Variants in FOXP2 observed in about 807,000 individuals in gnomAD.
FOXP2 encodes the protein forkhead box protein P2.
In FOXP2, 12 loss-of-function variants were observed where a neutral mutation model predicts 115.8. The observed-to-expected ratio is 0.10, with a 90% CI of 0.07 to 0.17. The LOEUF (loss-of-function observed/expected upper bound fraction) is 0.17, where lower values mean the gene tolerates loss of function less well. Among genes scored for constraint, FOXP2 ranks in the 10% least tolerant of loss-of-function variants. The pLI is 1.00. For missense variants in FOXP2, 629 were observed against 843.5 expected, an observed-to-expected ratio of 0.75 and a Z score of 3.15; for synonymous variants, 328 against 297.7, an observed-to-expected ratio of 1.10 and a Z score of -1.05.
At chr7:114,157,259 A>G (rs1482564585) in intron 1 of FOXP2, among the ~76,000 whole-genome samples, 1 of 152,140 alleles carries the variant, frequency 6.6e-6, no homozygotes, top group Non-Finnish European at 1.5e-5. Context: ...ATGTGGACAA[A>G]TGTATTACAT....
chr7:114,461,581 T>G (rs1211681048), intron 2 of FOXP2, among the ~76,000 whole-genome samples: 1 of 152,150 alleles, frequency 6.6e-6, no homozygotes, highest in Non-Finnish European at 1.5e-5. Context: ...TTGTATTATT[T>G]CTCATGAGTT....
At chr7:114,372,820 T>C (rs2129189827) in intron 2 of FOXP2, among the ~76,000 whole-genome samples, 1 of 152,294 alleles carries the variant, frequency 6.6e-6, no homozygotes, top group Non-Finnish European at 1.5e-5. Context: ...GTAAAGGAAC[T>C]GACTGGAAAT....
At chr7:114,165,304 C>G (rs1224454041) in intron 1 of FOXP2, among the ~76,000 whole-genome samples, 2 of 152,168 alleles carry the variant, frequency 1.3e-5, no homozygotes, top group East Asian at 3.9e-4. Context: ...AAAAAGGAAA[C>G]AAAAGACATT....
At chr7:114,489,689 A>G (rs1476268719) in intron 2 of FOXP2, among the ~76,000 whole-genome samples, 1 of 152,042 alleles carries the variant, frequency 6.6e-6, no homozygotes, top group Non-Finnish European at 1.5e-5. Context: ...ATAAACCTTC[A>G]TTTCCAACTG....
At position 114,176,298 on chromosome 7, in the gene FOXP2, T is replaced by TTCTTTCTTTCTTTCTCTCTC. The variant is rs368923204; in HGVS notation, c.-102+13213_-102+13214insTTCTTTCTTTCTCTCTCTCT. Among the ~76,000 whole-genome samples, 319 of 76,528 alleles carry TTCTTTCTTTCTTTCTCTCTC rather than the reference T, an allele frequency of 4.2e-3. 5 individuals are homozygous for TTCTTTCTTTCTTTCTCTCTC. Among genetic ancestry groups the TTCTTTCTTTCTTTCTCTCTC allele is most frequent in the African/African-American group, 0.016 (287 of 18,470 alleles). The allele number at this position is 76,528 out of a possible 152,430, so 50.2% of individuals were successfully genotyped here. ...TTTCTTTCTTTCTTTCTTTCTTTCT[T>TTCTTTCTTTCTTTCTCTCTC]TCTCTCTCTCTCTCTCTCTCTCTTT... On this transcript the variant is annotated intron_variant, in intron 1 of 17. Coordinates refer to the FOXP2 transcript ENST00000634411.
At chr7:114,520,452 TCAGA>T (rs1443257925) in intron 2 of FOXP2, among the ~76,000 whole-genome samples, 1 of 152,142 alleles carries the variant, frequency 6.6e-6, no homozygotes, top group Non-Finnish European at 1.5e-5. Context: ...TTTTGCAAAC[TCAGA>T]CAGAGTAGGG....
In FOXP2 at chr7:114,529,170, G is replaced by C. The variant is rs569375345; in HGVS notation, c.169-5447G>C. Among the ~76,000 whole-genome samples the C allele has an allele frequency of 3.9e-5, 6 of 151,972 alleles. 1 individual carries two copies. Among genetic ancestry groups the C allele is most frequent in the Admixed American group, 3.9e-4 (6 of 15,230 alleles). On this transcript the variant is annotated intron_variant, in intron 2 of 16. Coordinates refer to ENST00000350908, the MANE Select transcript of FOXP2 (RefSeq NM_014491.4). The stretch of plus-strand genomic sequence containing the variant: ...GAATGCTGACTCTGAGGAAGAGAAT[G>C]TGTTCTCCCTTTTAAACTCATTCTA...
intron 16 of FOXP2, chr7:114,667,063 T>G (rs1807201029): frequency 6.6e-6 from 1 of 152,182 alleles, no homozygotes; most frequent in African/African-American, 2.4e-5. Context: ...GGTTAGTCAT[T>G]GACAATCCAT....
In FOXP2 at chr7:114,629,889, C is replaced by G; in HGVS notation, c.481C>G (p.Gln161Glu). 1 of 1,612,934 alleles carries G rather than the reference C, an allele frequency of 6.2e-7. No homozygotes were observed. Among genetic ancestry groups the G allele is most frequent in the Non-Finnish European group, 8.5e-7 (1 of 1,179,524 alleles). The change falls in exon 5 of 17, where the codon CAA becomes GAA. Residue 161 changes from glutamine to glutamate, a missense_variant. By Grantham distance (29) the Gln-to-Glu change is conservative. Around this residue, in one of 9 missense-constraint regions of FOXP2, gnomAD observed 138 missense variants for 205.1 expected, o/e 0.67. Coordinates refer to ENST00000350908, the MANE Select transcript of FOXP2 (RefSeq NM_014491.4). ...GCAGCAGCAGCAACAGCAGCAGCAG[C>G]AACAACAGCAGCAACAACAGCAGCA... ...LQQQQQQQQQ[Q>E]QQQQQQQQQQ...
At chr7:114,225,258 G>C (rs1010297376) in intron 1 of FOXP2, among the ~76,000 whole-genome samples, 1 of 151,848 alleles carries the variant, frequency 6.6e-6, no homozygotes, top group African/African-American at 2.4e-5. Context: ...TTCAAAGTTT[G>C]CTAGCATTTA....
At chr7:114,590,675 C>A (rs1802396229) in intron 3 of FOXP2, among the ~76,000 whole-genome samples, 1 of 152,108 alleles carries the variant, frequency 6.6e-6, no homozygotes, top group African/African-American at 2.4e-5. Context: ...CCACATTTCA[C>A]AATAAAATTC....
chr7:114,128,079 A>T (rs1177663770), intron 1 of FOXP2, among the ~76,000 whole-genome samples: 30 of 152,198 alleles, frequency 2.0e-4, no homozygotes, highest in Non-Finnish European at 1.5e-5. Context: ...CAGGCTAATG[A>T]TTGAACTGGT....
intron 2 of FOXP2, among the ~76,000 whole-genome samples, chr7:114,514,407 T>G (rs1408247716): frequency 6.6e-6 from 1 of 152,008 alleles, no homozygotes; most frequent in Non-Finnish European, 1.5e-5. Flanking sequence ...GACCAACATC[T>G]CCCCAATCCC....
rs940755641 is a variant in FOXP2 at position 114,423,757 on chromosome 7, T to C, written c.-10-2745T>C. On this transcript the variant is annotated intron_variant, in intron 1 of 16. Transcript: ENST00000350908. The stretch of plus-strand genomic sequence containing the variant: ...CACATTGTGCTGGAAATATTTCCTA[T>C]ATTGGGAAATAAGTGGAAGTGTTAC... Among the ~76,000 whole-genome samples the C allele has an allele frequency of 2.0e-5, 3 of 151,638 alleles. No individual in the cohort carries two copies. In the South Asian group the frequency reaches 6.2e-4, roughly 31 times the overall value.
intron 2 of FOXP2, among the ~76,000 whole-genome samples, chr7:114,390,493 G>A (rs781401293): frequency 3.0e-5 from 4 of 132,686 alleles, no homozygotes; most frequent in African/African-American, 5.4e-5. Flanking sequence ...TACATGTTTT[G>A]TTTGGCACCA....
chr7:114,316,881 T>C (rs1797291669), intron 2 of FOXP2, among the ~76,000 whole-genome samples: 1 of 152,190 alleles, frequency 6.6e-6, no homozygotes, highest in South Asian at 2.1e-4. Flanking sequence ...AATTGCCTTG[T>C]GAATGATATA....
intron 2 of FOXP2, among the ~76,000 whole-genome samples, chr7:114,440,220 A>G (rs993472786): frequency 4.6e-5 from 7 of 152,192 alleles, no homozygotes; most frequent in Non-Finnish European, 4.4e-5. Flanking sequence ...TTCTGACACT[A>G]AATCCTATAC....
At chr7:114,591,614 T>C (rs1348389048) in intron 3 of FOXP2, among the ~76,000 whole-genome samples, 1 of 152,004 alleles carries the variant, frequency 6.6e-6, no homozygotes, top group African/African-American at 2.4e-5. Flanking sequence ...GTGCTATGTG[T>C]ATGACCTCAG....
At chr7:114,516,753 T>G (rs1471527862) in intron 2 of FOXP2, among the ~76,000 whole-genome samples, 2 of 152,062 alleles carry the variant, frequency 1.3e-5, no homozygotes, top group Non-Finnish European at 2.9e-5. Flanking sequence ...TGGAATGCAG[T>G]GGCGCAATCT....
Sources: allele counts gnomAD v4.1 joint callset (sites outside exome capture counted in the v4.1 genomes callset), GRCh38; gene constraint gnomAD v4.1.1; regional missense constraint gnomAD v4.1.1; transcripts MANE v1.5; gene names NCBI Gene and HGNC (gene_info 2026-07-23, HGNC 2026-07-21).